EPHA3: variants seen among roughly 807,000 people sequenced by gnomAD.
EPHA3 encodes ephrin type-A receptor 3.
Under a neutral mutation model 107.1 loss-of-function variants are expected in EPHA3, and 42 were observed. The observed-to-expected ratio is 0.39, with a 90% CI of 0.31 to 0.51. The LOEUF (loss-of-function observed/expected upper bound fraction) is 0.51, where lower values mean the gene tolerates loss of function less well. Ranked by LOEUF, EPHA3 falls within the 20% of genes least tolerant of loss-of-function variation. EPHA3 has a pLI of 0.78. For missense variants in EPHA3, 1,183 were observed against 1,211.2 expected, an observed-to-expected ratio of 0.98 and a Z score of 0.35; for synonymous variants, 461 against 424.8, an observed-to-expected ratio of 1.09 and a Z score of -1.05.
rs562129690 is a variant in EPHA3 at position 89,285,833 on chromosome 3, C to T, written c.815-55083C>T. 2.6e-5 allele frequency among the ~76,000 whole-genome samples: 4 copies of T among 152,190 alleles called. No homozygotes were observed. The East Asian group carries it at 7.8e-4, about 30-fold the overall frequency. ...AGACAATTCCTAAATCTGTTCCTAC[C>T]TCCCAACTAAAGTTAGGAGTTTATA... On this transcript the variant is annotated intron_variant, in intron 3 of 16. Coordinates refer to ENST00000336596, the MANE Select transcript of EPHA3 (RefSeq NM_005233.6).
intron 1 of EPHA3, among the ~76,000 whole-genome samples, chr3:89,126,997 C>G (rs1704109874): frequency 6.6e-6 from 1 of 151,760 alleles, no homozygotes. Context: ...CAAATGCAAA[C>G]AGTTTAAAAG....
chr3:89,298,872 T>A (rs1363238818), intron 3 of EPHA3, among the ~76,000 whole-genome samples: 3 of 152,090 alleles, frequency 2.0e-5, no homozygotes, highest in East Asian at 3.9e-4. Flanking sequence ...AATTTATTGA[T>A]AATTATATGT....
intron 2 of EPHA3, among the ~76,000 whole-genome samples, chr3:89,194,932 A>G (rs1409270172): frequency 6.6e-6 from 1 of 152,120 alleles, no homozygotes; most frequent in Non-Finnish European, 1.5e-5. Flanking sequence ...AGCAATTTCG[A>G]TAATACAGTA....
chr3:89,410,197 T>G (rs1284491174), intron 9 of EPHA3, among the ~76,000 whole-genome samples: 1 of 151,992 alleles, frequency 6.6e-6, no homozygotes, highest in Non-Finnish European at 1.5e-5. Context: ...GTCTTATGGA[T>G]GGAAAAGAAA....
intron 11 of EPHA3, among the ~76,000 whole-genome samples, chr3:89,426,704 C>CAGT (rs1392049744): frequency 2.0e-5 from 3 of 151,834 alleles, no homozygotes; most frequent in African/African-American, 7.2e-5. Flanking sequence ...TATAAAAATG[C>CAGT]AGTAACTGGC....
intron 5 of EPHA3, among the ~76,000 whole-genome samples, chr3:89,382,721 G>C (rs1288761228): frequency 1.3e-5 from 2 of 152,102 alleles, no homozygotes; most frequent in African/African-American, 4.8e-5. Context: ...GTCTCTAGCA[G>C]TCTGGTACCT....
chr3:89,159,309 A>G (rs1345440633), intron 2 of EPHA3, among the ~76,000 whole-genome samples: 1 of 152,126 alleles, frequency 6.6e-6, no homozygotes, highest in Non-Finnish European at 1.5e-5. Context: ...AAACCTGCTG[A>G]AGCTGATTTA....
At chr3:89,264,906 C>T (rs1166218486) in intron 3 of EPHA3, among the ~76,000 whole-genome samples, 2 of 151,978 alleles carry the variant, frequency 1.3e-5, no homozygotes, top group Non-Finnish European at 2.9e-5. Context: ...TACTCTTATG[C>T]TTTAAATATT....
intron 6 of EPHA3, among the ~76,000 whole-genome samples, chr3:89,396,587 C>T (rs949332316): frequency 2.6e-5 from 4 of 152,024 alleles, no homozygotes; most frequent in African/African-American, 9.7e-5. Context: ...GGTTATTTTG[C>T]CCTGAGTGGA....
rs1275894602 is a variant in EPHA3 at position 89,374,165 on chromosome 3, AG to A, written c.1307-21671del. 3.3e-5 allele frequency among the ~76,000 whole-genome samples: 5 copies of A among 151,998 alleles called. No individual in the cohort carries two copies. In the East Asian group the frequency reaches 9.7e-4, roughly 29 times the overall value. On this transcript the variant is annotated intron_variant, in intron 5 of 16. Coordinates refer to ENST00000336596, the MANE Select transcript of EPHA3 (RefSeq NM_005233.6). Reference sequence around the variant, plus strand: ...TGGGAATTGGCAACTAGAATAAAAAAGTCAGGCAAAAATACACCAAGTATAC... The same window carrying A: ...TGGGAATTGGCAACTAGAATAAAAAATCAGGCAAAAATACACCAAGTATAC...
intron 3 of EPHA3, among the ~76,000 whole-genome samples, chr3:89,267,159 G>A (rs145696013): frequency 1.3e-5 from 2 of 152,138 alleles, no homozygotes; most frequent in African/African-American, 4.8e-5. Flanking sequence ...TGTAACAGAA[G>A]GTGAGTGAAA....
chr3:89,466,958 A>G (rs544634795), intron 15 of EPHA3, among the ~76,000 whole-genome samples: 1 of 152,242 alleles, frequency 6.6e-6, no homozygotes, highest in African/African-American at 2.4e-5. Context: ...TTTGTCCTTA[A>G]GGCCTAGAGA....
At chr3:89,445,768 C>G (rs1709866617) in intron 13 of EPHA3, among the ~76,000 whole-genome samples, 2 of 152,194 alleles carry the variant, frequency 1.3e-5, no homozygotes, top group Non-Finnish European at 2.9e-5. Flanking sequence ...ACCTACATTT[C>G]CAAAGCTAGC....
chr3:89,326,018 T>A (rs1707158234), intron 3 of EPHA3, among the ~76,000 whole-genome samples: 1 of 151,212 alleles, frequency 6.6e-6, no homozygotes, highest in Admixed American at 6.6e-5. Flanking sequence ...AATTAAAGAT[T>A]TTGTTTTAAA....
chr3:89,270,793 A>C (rs1024037489), intron 3 of EPHA3, among the ~76,000 whole-genome samples: 1 of 152,122 alleles, frequency 6.6e-6, no homozygotes, highest in African/African-American at 2.4e-5. Context: ...AACAAAACAC[A>C]CTGGGCTCCT....
intron 15 of EPHA3, among the ~76,000 whole-genome samples, chr3:89,455,320 C>A (rs1710074612): frequency 6.6e-6 from 1 of 152,006 alleles, no homozygotes; most frequent in African/African-American, 2.4e-5. Flanking sequence ...CTCCTCCTCA[C>A]CAAAAAGAAT....
At chr3:89,266,736 T>C (rs1414118814) in intron 3 of EPHA3, among the ~76,000 whole-genome samples, 3 of 152,096 alleles carry the variant, frequency 2.0e-5, no homozygotes, top group Non-Finnish European at 4.4e-5. Context: ...ATATTTCTGT[T>C]CGGACTGTAA....
intron 15 of EPHA3, among the ~76,000 whole-genome samples, chr3:89,457,987 C>T (rs1446770427): frequency 6.6e-6 from 1 of 152,122 alleles, no homozygotes; most frequent in Non-Finnish European, 1.5e-5. Context: ...TGAGATCAGC[C>T]TTCTCATTGA....
intron 5 of EPHA3, among the ~76,000 whole-genome samples, chr3:89,347,879 GT>G (rs1707710339): frequency 6.6e-6 from 1 of 151,162 alleles, no homozygotes; most frequent in East Asian, 1.9e-4. Context: ...TAATCATGTG[GT>G]TTTTGTCTTT....
Sources: gnomAD v4.1 joint callset for allele counts (sites outside exome capture counted in the v4.1 genomes callset) on GRCh38, gnomAD v4.1.1 for gene constraint, MANE v1.5 for transcripts, NCBI Gene and HGNC (gene_info 2026-07-23, HGNC 2026-07-21) for gene names.